NFIA: variants seen among roughly 807,000 people sequenced by gnomAD.
NFIA encodes nuclear factor 1 A-type.
NFIA carries 8 observed loss-of-function variants against 62.8 expected under a neutral mutation model. The ratio of observed to expected loss-of-function variants is 0.13; its 90% CI spans 0.07 to 0.23. NFIA has a LOEUF of 0.23. Among genes scored for constraint, NFIA ranks in the 10% least tolerant of loss-of-function variants. NFIA has a pLI of 1.00. For missense variants in NFIA, 410 were observed against 642.1 expected, an observed-to-expected ratio of 0.64 and a Z score of 3.91; for synonymous variants, 235 against 238.1, an observed-to-expected ratio of 0.99 and a Z score of 0.12.
chr1:61,123,314 G>T (rs1391433597), intron 2 of NFIA, among the ~76,000 whole-genome samples: 1 of 143,334 alleles, frequency 7.0e-6, no homozygotes, highest in Non-Finnish European at 1.6e-5. Context: ...AGTGCAGAGG[G>T]TACAGAGAGA....
intron 3 of NFIA, among the ~76,000 whole-genome samples, chr1:61,305,666 A>G (rs1659731023): frequency 6.6e-6 from 1 of 152,172 alleles, no homozygotes; most frequent in Non-Finnish European, 1.5e-5. Flanking sequence ...ACAGAAGGGA[A>G]GACCATCCTG....
intron 3 of NFIA, among the ~76,000 whole-genome samples, chr1:61,328,593 G>T (rs1661093578): frequency 6.6e-6 from 1 of 151,460 alleles, no homozygotes; most frequent in South Asian, 2.1e-4. Flanking sequence ...GGCTAATTTT[G>T]TATTTTTAGT....
chr1:61,176,184 G>C (rs1017562087), intron 2 of NFIA, among the ~76,000 whole-genome samples: 7 of 152,202 alleles, frequency 4.6e-5, no homozygotes, highest in African/African-American at 1.7e-4. Flanking sequence ...GCTAACTGCT[G>C]TGTCACCTCT....
chr1:61,296,807 GA>G (rs1358823075), intron 3 of NFIA, among the ~76,000 whole-genome samples: 2 of 152,118 alleles, frequency 1.3e-5, no homozygotes, highest in East Asian at 3.9e-4. Context: ...TATATATTGG[GA>G]GGGCTAAGAC....
intron 10 of NFIA, among the ~76,000 whole-genome samples, chr1:61,452,661 C>G (rs1247206404): frequency 6.6e-6 from 1 of 152,062 alleles, no homozygotes; most frequent in East Asian, 1.9e-4. Context: ...CTAAAATCAT[C>G]TCAAGGAAAA....
chr1:61,082,501 T>C, upstream of NFIA: 3 of 1,205,628 alleles, frequency 2.5e-6, no homozygotes, highest in Non-Finnish European at 2.1e-6. Context: ...AAGGGTGCGC[T>C]ATGCCTTTAA....
intron 4 of NFIA, among the ~76,000 whole-genome samples, chr1:61,342,253 G>A (rs1390285577): frequency 6.6e-6 from 1 of 151,894 alleles, no homozygotes; most frequent in Non-Finnish European, 1.5e-5. Context: ...CTGTTGATAC[G>A]GTTTGGTTTC....
At chr1:61,327,394 T>A (rs1290248894) in intron 3 of NFIA, among the ~76,000 whole-genome samples, 1 of 151,956 alleles carries the variant, frequency 6.6e-6, no homozygotes, top group Non-Finnish European at 1.5e-5. Flanking sequence ...GGCATTTTTT[T>A]AATCCGTCAC....
At chr1:61,293,659 A>G (rs1326077118) in intron 3 of NFIA, among the ~76,000 whole-genome samples, 1 of 152,180 alleles carries the variant, frequency 6.6e-6, no homozygotes, top group East Asian at 1.9e-4. Flanking sequence ...CTTTACTCTA[A>G]TTCAATTTAG....
chr1:61,398,218 G>T (rs1339278851), intron 7 of NFIA, among the ~76,000 whole-genome samples: 1 of 152,220 alleles, frequency 6.6e-6, no homozygotes, highest in Non-Finnish European at 1.5e-5. Context: ...TTGCAACAGA[G>T]ACCATATAGC....
intron 2 of NFIA, among the ~76,000 whole-genome samples, chr1:61,141,245 C>T (rs1647505779): frequency 6.6e-6 from 1 of 152,060 alleles, no homozygotes; most frequent in African/African-American, 2.4e-5. Context: ...CAAACCCCTG[C>T]TCAGCATGAA....
At chr1:61,430,595 G>A (rs938297903) in intron 10 of NFIA, among the ~76,000 whole-genome samples, 21 of 152,204 alleles carry the variant, frequency 1.4e-4, no homozygotes, top group Admixed American at 1.2e-3. Flanking sequence ...GTAATGATTG[G>A]TGGGGAAAGA....
chr1:61,254,200 T>C (rs1329472347), intron 2 of NFIA, among the ~76,000 whole-genome samples: 2 of 152,244 alleles, frequency 1.3e-5, no homozygotes, highest in East Asian at 3.8e-4. Flanking sequence ...CACCTAAGTT[T>C]ATAGCAGTTG....
chr1:61,319,790 AACACACACAC>A (rs58845526), intron 3 of NFIA, among the ~76,000 whole-genome samples: 57,739 of 139,484 alleles, frequency 0.41, 12,906 homozygotes, highest in East Asian at 0.78. Context: ...GGAAGAATTA[AACACACACAC>A]ACACACACAC....
intron 6 of NFIA, among the ~76,000 whole-genome samples, chr1:61,379,960 A>G (rs1480562921): frequency 1.3e-5 from 2 of 152,186 alleles, no homozygotes; most frequent in East Asian, 3.9e-4. Context: ...AAGTGCCTCC[A>G]GAGATGAAAG....
chr1:61,295,670 C>T (rs1234207511), intron 3 of NFIA, among the ~76,000 whole-genome samples: 4 of 152,200 alleles, frequency 2.6e-5, no homozygotes, highest in Non-Finnish European at 5.9e-5. Context: ...TACCTGACCT[C>T]CCGTGCCTCA....
chr1:61,236,928 C>A lies in NFIA; in HGVS notation c.560-40592C>A, dbSNP rs189888167. ...AGCCATAGCCAATGACTCTTTCATA[C>A]TTTTATTCCAGAGGCTGAGGTGTTT... On this transcript the variant is annotated intron_variant, in intron 2 of 10. Coordinates refer to ENST00000403491, the MANE Select transcript of NFIA (RefSeq NM_001134673.4). Among the ~76,000 whole-genome samples the A allele has an allele frequency of 2.0e-5, 3 of 152,272 alleles. No homozygotes were observed. In the East Asian group the frequency reaches 5.8e-4, roughly 29 times the overall value.
chr1:61,318,654 A>G (rs956864170), intron 3 of NFIA, among the ~76,000 whole-genome samples: 13 of 152,296 alleles, frequency 8.5e-5, no homozygotes, highest in Admixed American at 8.5e-4. Flanking sequence ...CAGCAAATGG[A>G]TTTGGTCTGT....
At chr1:61,440,973 A>C (rs1667546578) in intron 10 of NFIA, among the ~76,000 whole-genome samples, 1 of 152,198 alleles carries the variant, frequency 6.6e-6, no homozygotes, top group Non-Finnish European at 1.5e-5. Flanking sequence ...TTTTGGAATA[A>C]AGTTCATATC....
Sources: gnomAD v4.1 joint callset for allele counts (sites outside exome capture counted in the v4.1 genomes callset) on GRCh38, gnomAD v4.1.1 for gene constraint, MANE v1.5 for transcripts, NCBI Gene and HGNC (gene_info 2026-07-23, HGNC 2026-07-21) for gene names.